AGBL4: variants seen among roughly 807,000 people sequenced by gnomAD.
AGBL4 encodes the protein AGBL carboxypeptidase 4, also known as cytosolic carboxypeptidase 6.
AGBL4 carries 58 observed loss-of-function variants against 66.4 expected under a neutral mutation model. The observed-to-expected ratio is 0.87, with a 90% CI of 0.71 to 1.09. The LOEUF is 1.09. Among genes scored for constraint, AGBL4 ranks in the 50% least tolerant of loss-of-function variants. The pLI, the probability that AGBL4 is intolerant of heterozygous loss-of-function variation, is 0.00. For missense variants in AGBL4, 579 were observed against 631.0 expected (o/e 0.92, Z 0.88); for synonymous variants, 234 against 222.9 (o/e 1.05, Z -0.44).
rs201212579 is a variant in AGBL4, at chr1:49,658,524, A to C, written c.282+38789T>G. ...CATTACTGGGTATATACCCAAAGGA[A>C]TATAAATCATGCTGCTATAAAGACA... On this transcript the variant is annotated intron_variant, in intron 3 of 13. Transcript: ENST00000371839. 3.1e-3 allele frequency among the ~76,000 whole-genome samples: 474 copies of C among 152,212 alleles called. 1 individual carries two copies. The highest frequency in any genetic ancestry group is 0.014 in the Middle Eastern group (4 of 294).
chr1:49,713,128 A>T (rs935204790), intron 2 of AGBL4, among the ~76,000 whole-genome samples: 1 of 152,052 alleles, frequency 6.6e-6, no homozygotes, highest in Non-Finnish European at 1.5e-5. Context: ...TTGCAAAAAG[A>T]TATTGTAAAT....
chr1:48,776,808 C>G, intron 6 of AGBL4: 1 of 1,522,402 alleles, frequency 6.6e-7, no homozygotes, highest in Non-Finnish European at 8.8e-7. Flanking sequence ...CGTTGTCCTC[C>G]AGGAACCGCA....
Position 48,963,793 on chromosome 1 carries a change from T to G in AGBL4, c.594+81791A>C, listed in dbSNP as rs1658199919. Among the ~76,000 whole-genome samples the G allele has an allele frequency of 1.3e-5, 2 of 152,206 alleles. 1 individual carries two copies. The highest frequency in any genetic ancestry group is 4.1e-4 in the South Asian group (2 of 4,828). ...TTAAGGTCAAAAGGAGCTTATTAGC[T>G]GACTTAGTAATGACTATTGTTGATA... On this transcript the variant is annotated intron_variant, in intron 5 of 13. Transcript: ENST00000371839.
chr1:49,955,462 A>C (rs940420853), intron 1 of AGBL4, among the ~76,000 whole-genome samples: 1 of 151,928 alleles, frequency 6.6e-6, no homozygotes, highest in Admixed American at 6.6e-5. Context: ...GCATACAAAT[A>C]TGCCTAGATA....
At chr1:48,786,163 T>C (rs1645402963) in intron 6 of AGBL4, among the ~76,000 whole-genome samples, 1 of 152,168 alleles carries the variant, frequency 6.6e-6, no homozygotes, top group African/African-American at 2.4e-5. Context: ...CACCAGAAAG[T>C]CAATACAAAA....
intron 3 of AGBL4, among the ~76,000 whole-genome samples, chr1:49,407,014 G>A (rs972932422): frequency 8.4e-5 from 11 of 130,710 alleles, no homozygotes; most frequent in Admixed American, 3.6e-4. Flanking sequence ...GCAGTGAGCC[G>A]AGATAACGCC....
intron 6 of AGBL4, among the ~76,000 whole-genome samples, chr1:48,798,947 A>T (rs1395829878): frequency 6.6e-6 from 1 of 152,220 alleles, no homozygotes; most frequent in Non-Finnish European, 1.5e-5. Flanking sequence ...GAAGTCTGGT[A>T]ATGTGATGCC....
At chr1:49,557,105 A>G (rs1643921822) in intron 3 of AGBL4, among the ~76,000 whole-genome samples, 1 of 151,818 alleles carries the variant, frequency 6.6e-6, no homozygotes, top group African/African-American at 2.4e-5. Flanking sequence ...ACACCTCCCC[A>G]CAAGCAGAGG....
At chr1:48,824,523 G>C (rs1195621850) in intron 6 of AGBL4, among the ~76,000 whole-genome samples, 1 of 152,180 alleles carries the variant, frequency 6.6e-6, no homozygotes, top group Non-Finnish European at 1.5e-5. Context: ...TGGAGAGGCA[G>C]ACAGAGGTCA....
At chr1:49,252,729 G>A (rs1652172361) in intron 3 of AGBL4, among the ~76,000 whole-genome samples, 1 of 152,110 alleles carries the variant, frequency 6.6e-6, no homozygotes. Context: ...AATCCTACAA[G>A]ACAAAAGACA....
At chr1:48,982,946 T>C (rs1431679861) in intron 5 of AGBL4, among the ~76,000 whole-genome samples, 1 of 152,212 alleles carries the variant, frequency 6.6e-6, no homozygotes, top group African/African-American at 2.4e-5. Context: ...ATTTCTCTGA[T>C]GGTGCCAACT....
intron 5 of AGBL4, among the ~76,000 whole-genome samples, chr1:49,027,645 G>A (rs1250280584): frequency 6.6e-6 from 1 of 151,904 alleles, no homozygotes; most frequent in Admixed American, 6.6e-5. Flanking sequence ...CCTTGGGAGG[G>A]GCAGGCCACA....
intron 4 of AGBL4, among the ~76,000 whole-genome samples, chr1:49,078,328 G>A (rs1557622318): frequency 6.6e-6 from 1 of 152,036 alleles, no homozygotes; most frequent in Non-Finnish European, 1.5e-5. Flanking sequence ...ATCTCACGTT[G>A]CACATTTCCC....
intron 3 of AGBL4, among the ~76,000 whole-genome samples, chr1:49,696,077 T>C (rs1204461384): frequency 1.3e-5 from 2 of 152,150 alleles, no homozygotes; most frequent in Non-Finnish European, 2.9e-5. Flanking sequence ...CTAAACTCCC[T>C]ACTTTTTCCC....
rs201761544 is a variant in AGBL4 at position 49,362,434 on chromosome 1, A to T, written c.283-116570T>A. Among the ~76,000 whole-genome samples the T allele has an allele frequency of 2.8e-4, 41 of 144,362 alleles. No individual in the cohort carries two copies. In the East Asian group the frequency reaches 8.1e-3, roughly 29 times the overall value. 94.7% of individuals were successfully genotyped at this position (144,362 alleles called of 152,430 possible). ...CTATACACTCCAGCATGGGCAACAG[A>T]GCAAGACCCTGTCTCAAAAAAAAAA... On this transcript the variant is annotated intron_variant, in intron 3 of 13. Transcript: ENST00000371839.
intron 6 of AGBL4, among the ~76,000 whole-genome samples, chr1:48,844,142 G>A (rs1646862417): frequency 6.6e-6 from 1 of 152,132 alleles, no homozygotes; most frequent in South Asian, 2.1e-4. Context: ...GCACCCACCT[G>A]CTCCAGCCTC....
intron 3 of AGBL4, among the ~76,000 whole-genome samples, chr1:49,348,782 C>T (rs1374425220): frequency 6.6e-6 from 1 of 152,230 alleles, no homozygotes; most frequent in Admixed American, 6.5e-5. Context: ...TCCATGCTAA[C>T]TCTGACCAAT....
intron 6 of AGBL4, among the ~76,000 whole-genome samples, chr1:48,741,903 T>C (rs755598929): frequency 3.3e-5 from 5 of 152,232 alleles, no homozygotes; most frequent in Admixed American, 2.0e-4. Context: ...ATCAATTCAA[T>C]TGAATGTTAG....
rs977918651 is a variant in AGBL4, at chr1:49,846,193, C to T, written c.157+5203G>A. 5 of 1,457,894 alleles carry T rather than the reference C, an allele frequency of 3.4e-6. No individual in the cohort carries two copies. In the African/African-American group the frequency reaches 7.0e-5, roughly 20 times the overall value. The allele number at this position is 1,457,894 out of a possible 1,614,324, so 90.3% of individuals were successfully genotyped here. ...AGTGTGGGAAATCCTTCAACCACAG[C>T]TCCTCACTCAGCCAGCACAAAAGGA... On this transcript the variant is annotated intron_variant, in intron 2 of 13. Transcript: ENST00000371839.
Sources: gnomAD v4.1 joint callset for allele counts (sites outside exome capture counted in the v4.1 genomes callset) on GRCh38, gnomAD v4.1.1 for gene constraint, MANE v1.5 for transcripts, NCBI Gene and HGNC (gene_info 2026-07-23, HGNC 2026-07-21) for gene names.